IRS2: variants seen among roughly 807,000 people sequenced by gnomAD.
IRS2 encodes insulin receptor substrate 2.
In IRS2, 28 loss-of-function variants were observed where a neutral mutation model predicts 70.9. The observed-to-expected ratio is 0.39, with a 90% CI of 0.29 to 0.54. The LOEUF (loss-of-function observed/expected upper bound fraction) is 0.54, where lower values mean the gene tolerates loss of function less well. IRS2 is among the 20% of genes least tolerant of loss of function. The pLI, the probability that IRS2 is intolerant of heterozygous loss-of-function variation, is 0.59. For synonymous variants in IRS2, 1,217 were observed against 981.9 expected (o/e 1.24, Z -4.48); for missense variants, 2,081 against 2,024.1 (o/e 1.03, Z -0.54).
rs1877068819 is a variant in IRS2 at position 109,754,874 on chromosome 13, T to C, written c.*1430A>G. 4.8e-6 allele frequency: 1 copy of C among 207,286 alleles called. No homozygotes were observed. The highest frequency in any genetic ancestry group is 5.9e-5 in the Admixed American group (1 of 16,860). 12.8% of individuals were successfully genotyped at this position (207,286 alleles called of 1,614,324 possible). On this transcript the variant is annotated 3_prime_UTR_variant, in exon 2 of 2. Coordinates refer to ENST00000375856, the MANE Select transcript of IRS2 (RefSeq NM_003749.3). ...ACAAAACAAAACAAAACCAACAACT[T>C]ACATCTCCAATGAATTAGTGTAACC...
rs1165644644 is a variant in IRS2, at chr13:109,783,614, AG to A, written c.2439del (p.Tyr814ThrfsTer13). The A allele has an allele frequency of 1.3e-6, 2 of 1,549,216 alleles. No individual in the cohort carries two copies. Among genetic ancestry groups the A allele is most frequent in the Admixed American group, 1.9e-5 (1 of 51,428 alleles). On this transcript the variant is annotated frameshift_variant, in exon 1 of 2. Coordinates refer to ENST00000375856, the MANE Select transcript of IRS2 (RefSeq NM_003749.3). LOFTEE classifies it high-confidence loss of function. ...YSSLPRSYKAPYTCGGDSDQY... is the reference protein window; with the variant it reads ...YSSLPRSYKAXYTCGGDSDQY... ...TGGTCGCTGTCCCCGCCACAGGTGT[AG>A]GGGGCCTTGTAGGAGCGGGGCAAGG...
At chr13:109,771,280 T>G (rs1877446463) in intron 1 of IRS2, among the ~76,000 whole-genome samples, 1 of 152,138 alleles carries the variant, frequency 6.6e-6, no homozygotes, top group Non-Finnish European at 1.5e-5. Context: ...AGCCTTTGTA[T>G]CTAGTATTTT....
chr13:109,785,740 G>C lies in IRS2; in HGVS notation c.314C>G (p.Ala105Gly). ...LDCCLNINKR[A>G]DAKHKYLIAL... The stretch of plus-strand genomic sequence containing the variant: ...GATCAGGTACTTGTGCTTGGCGTCG[G>C]CGCGCTTGTTGATGTTCAGGCAGCA... Residue 105 changes from alanine (A) to glycine (G), a missense_variant, in exon 1 of 2, where the codon GCC becomes GGC. Coordinates refer to ENST00000375856, the MANE Select transcript of IRS2 (RefSeq NM_003749.3). This position sits in a 1 kb window ranked among gnomAD's most constrained non-coding sequence, Gnocchi z 9.3. 6.3e-7 allele frequency: 1 copy of C among 1,597,608 alleles called. No homozygotes were observed. Among genetic ancestry groups the C allele is most frequent in the Non-Finnish European group, 8.5e-7 (1 of 1,178,020 alleles).
Position 109,784,458 on chromosome 13 carries a change from G to T in IRS2, c.1596C>A (p.Asp532Glu). The T allele has an allele frequency of 6.3e-7, 1 of 1,582,800 alleles. No homozygotes were observed. Among genetic ancestry groups the T allele is most frequent in the East Asian group, 2.3e-5 (1 of 44,008 alleles). The change falls in exon 1 of 2, where the codon GAC becomes GAA. Residue 532 changes from aspartate (D) to glutamate (E), a missense_variant. By Grantham distance (45) the Asp-to-Glu change is conservative (BLOSUM62 2). Transcript: ENST00000375856. The surrounding 1 kb of genome is among the most constrained non-coding windows in gnomAD (Gnocchi z 5.2). ...CGTAGAACTCACCGCCGCCGCCGCC[G>T]TCTCGGGCCGGGGGCGTCTCCGCGA... ...ESIAETPPAR[D>E]GGGGGEFYGY...
chr13:109,768,931 G>A (rs74383466), intron 1 of IRS2, among the ~76,000 whole-genome samples: 2 of 152,264 alleles, frequency 1.3e-5, no homozygotes, highest in East Asian at 1.9e-4. Flanking sequence ...CCAACCCTAC[G>A]CATAGGTTAT....
chr13:109,769,109 G>C (rs534156066), intron 1 of IRS2, among the ~76,000 whole-genome samples: 15 of 152,234 alleles, frequency 9.9e-5, no homozygotes, highest in Non-Finnish European at 1.3e-4. Flanking sequence ...TGGTACCTCA[G>C]CGTCTTCATT....
chr13:109,771,873 A>G (rs934814366), intron 1 of IRS2, among the ~76,000 whole-genome samples: 8 of 152,352 alleles, frequency 5.3e-5, no homozygotes, highest in African/African-American at 1.9e-4. Context: ...CTTCAAACAG[A>G]AACAGTCTCT....
intron 1 of IRS2, among the ~76,000 whole-genome samples, chr13:109,780,266 C>T (rs1251601271): frequency 2.6e-5 from 4 of 152,226 alleles, no homozygotes; most frequent in African/African-American, 7.2e-5. Flanking sequence ...TTTTTCCCCA[C>T]TCAATTATAC....
chr13:109,767,040 C>T (rs1877350596), intron 1 of IRS2, among the ~76,000 whole-genome samples: 1 of 152,226 alleles, frequency 6.6e-6, no homozygotes. Context: ...CCTCACACAC[C>T]AGAGGACCCA....
intron 1 of IRS2, among the ~76,000 whole-genome samples, chr13:109,763,586 T>C (rs553867529): frequency 7.5e-4 from 114 of 152,344 alleles, no homozygotes; most frequent in Non-Finnish European, 1.4e-3. Context: ...CTTGGGTCAT[T>C]TGAGAATGTG....
chr13:109,781,951 C>T, intron 1 of IRS2, 91 bp downstream of exon 1: 14 of 1,438,840 alleles, frequency 9.7e-6, no homozygotes, highest in Non-Finnish European at 1.3e-5. Context: ...GGGTCAAGGT[C>T]CCCAAAAAGT....
intron 1 of IRS2, among the ~76,000 whole-genome samples, chr13:109,756,944 A>G (rs1192490052): frequency 6.6e-6 from 1 of 152,104 alleles, no homozygotes; most frequent in Non-Finnish European, 1.5e-5. Flanking sequence ...TTGTTGCATA[A>G]CCCTCAACAT....
At chr13:109,770,577 G>T (rs1446618636) in intron 1 of IRS2, among the ~76,000 whole-genome samples, 1 of 152,188 alleles carries the variant, frequency 6.6e-6, no homozygotes, top group Non-Finnish European at 1.5e-5. Context: ...TTCCAGCAAG[G>T]ATATCCACTG....
At chr13:109,767,726 T>G (rs1196626468) in intron 1 of IRS2, among the ~76,000 whole-genome samples, 1 of 147,912 alleles carries the variant, frequency 6.8e-6, no homozygotes, top group African/African-American at 2.5e-5. Context: ...CGACCATTTT[T>G]CCTTTTTTTT....
intron 1 of IRS2, among the ~76,000 whole-genome samples, chr13:109,774,449 T>G (rs9559651): frequency 0.33 from 50,143 of 151,864 alleles, 8,371 homozygotes; most frequent in Middle Eastern, 0.47. Flanking sequence ...GTCCCCATTT[T>G]CCTTTGAATT....
In IRS2 at chr13:109,785,657, C is replaced by T; in HGVS notation, c.397G>A (p.Glu133Lys). ...AVAAENEQEQEGWYRALTDLV... is the reference protein window; with the variant it reads ...AVAAENEQEQKGWYRALTDLV... ...TCGGTGAGCGCGCGGTACCAGCCCT[C>T]CTGCTCCTGCTCGTTCTCGGCGGCC... The change falls in exon 1 of 2, where the codon GAG becomes AAG. Residue 133 changes from glutamate to lysine, a missense_variant. Glu to Lys is a moderately conservative substitution (Grantham distance 56). Coordinates refer to ENST00000375856, the MANE Select transcript of IRS2 (RefSeq NM_003749.3). This position sits in a 1 kb window ranked among gnomAD's most constrained non-coding sequence, Gnocchi z 9.3. 1.9e-6 allele frequency: 3 copies of T among 1,592,038 alleles called. No homozygotes were observed. Among genetic ancestry groups the T allele is most frequent in the Non-Finnish European group, 2.6e-6 (3 of 1,173,538 alleles).
At chr13:109,781,969 G>A (rs1316636682) in intron 1 of IRS2, 73 bp downstream of exon 1, 1 of 1,543,982 alleles carries the variant, frequency 6.5e-7, no homozygotes, top group Admixed American at 1.9e-5. Flanking sequence ...AGTGGGAGCA[G>A]TGAAACCCAA....
At position 109,782,452 on chromosome 13, in the gene IRS2, G is replaced by A. The variant is rs1487151455; in HGVS notation, c.3602C>T (p.Pro1201Leu). The change falls in exon 1 of 2, where the codon CCC becomes CTC. Residue 1201 changes from proline to leucine, a missense_variant. Pro to Leu is a moderately conservative substitution (Grantham distance 98). Around this residue, in one of 4 missense-constraint regions of IRS2, gnomAD observed 1,615 missense variants for 1,459.5 expected, o/e 1.11. Transcript: ENST00000375856. ...CGGCTGCAACTGTCGTGGGGAGGTGGGCGGCTCGTCGCCCCCTCCAGGGCC... is the reference window on the plus strand; with the variant it reads ...CGGCTGCAACTGTCGTGGGGAGGTGAGCGGCTCGTCGCCCCCTCCAGGGCC... ...GVGPGGGDEP[P>L]TSPRQLQPAP... 10 of 1,574,840 alleles carry A rather than the reference G, an allele frequency of 6.3e-6. No individual in the cohort carries two copies. The highest frequency in any genetic ancestry group is 1.4e-5 in the African/African-American group (1 of 73,838).
chr13:109,762,366 A>T (rs1718004369), intron 1 of IRS2, among the ~76,000 whole-genome samples: 1 of 152,208 alleles, frequency 6.6e-6, no homozygotes, highest in African/African-American at 2.4e-5. Context: ...CTTTTTAGTT[A>T]AAACCCAGAC....
Sources: allele counts gnomAD v4.1 joint callset (sites outside exome capture counted in the v4.1 genomes callset), GRCh38; gene constraint gnomAD v4.1.1; regional missense constraint gnomAD v4.1.1; non-coding constraint Gnocchi (gnomAD v3.1); transcripts MANE v1.5; gene names NCBI Gene and HGNC (gene_info 2026-07-23, HGNC 2026-07-21).